The following ZDHHC12 variants were observed in gnomAD, a reference collection of about 807,000 sequenced individuals.
The protein encoded by ZDHHC12 is zDHHC palmitoyltransferase 12, also known as palmitoyltransferase ZDHHC12.
In ZDHHC12, 26 loss-of-function variants were observed where a neutral mutation model predicts 33.2. The ratio of observed to expected loss-of-function variants is 0.78; its 90% CI spans 0.57 to 1.09. The LOEUF is 1.09. Ranked by LOEUF, ZDHHC12 falls within the 50% of genes least tolerant of loss-of-function variation. The pLI is 0.00. For missense variants in ZDHHC12, 350 were observed against 353.0 expected (o/e 0.99, Z 0.07); for synonymous variants, 154 against 152.1 (o/e 1.01, Z -0.09).
chr9:128,721,776 G>A lies in ZDHHC12; in HGVS notation c.357C>T (p.Cys119=), dbSNP rs114361621. Residue 119 remains cysteine (C), a synonymous_variant, in exon 4 of 5, where the codon TGC becomes TGT. Coordinates refer to ENST00000372663, the MANE Select transcript of ZDHHC12 (RefSeq NM_032799.5). This position sits in a 1 kb window ranked among gnomAD's most constrained non-coding sequence, Gnocchi z 6.9. The part of the protein sequence containing the change: ...RARHCRECRR[C]VRRYDHHCPW... ...GGCAGTGGTGGTCGTAGCGGCGGAC[G>A]CAACGGCGGCACTCACGGCAGTGCC... 77 of 1,613,498 alleles carry A rather than the reference G, an allele frequency of 4.8e-5. No individual in the cohort carries two copies. In the African/African-American group the frequency reaches 8.9e-4, roughly 19 times the overall value.
rs543933645 is a variant in ZDHHC12 at position 128,722,602 on chromosome 9, C to A, written c.101-28G>T. ...GGAGAGGCCGGAGAGCACAGTGAGG[C>A]TGGGCCGGGTAGAACAGGAGTGGGT... On this transcript the variant is annotated intron_variant, in intron 1 of 4. Coordinates refer to ENST00000372663, the MANE Select transcript of ZDHHC12 (RefSeq NM_032799.5). The surrounding 1 kb of genome is among the most constrained non-coding windows in gnomAD (Gnocchi z 4.2). 23 of 1,585,064 alleles carry A rather than the reference C, an allele frequency of 1.5e-5. No homozygotes were observed. The African/African-American group carries it at 2.4e-4, about 17-fold the overall frequency.
Position 128,722,119 on chromosome 9 carries a change from C to G in ZDHHC12, c.238-33G>C. ...GAGGGGTGGGGTGTAAGACAGGGTC[C>G]CCTTGGGAGACAGATGGCATTGGCG... On this transcript the variant is annotated intron_variant, in intron 2 of 4. Coordinates refer to ENST00000372663, the MANE Select transcript of ZDHHC12 (RefSeq NM_032799.5). This position sits in a 1 kb window ranked among gnomAD's most constrained non-coding sequence, Gnocchi z 4.2. 5.0e-6 allele frequency: 8 copies of G among 1,613,202 alleles called. No individual in the cohort carries two copies. Among genetic ancestry groups the G allele is most frequent in the Non-Finnish European group, 6.8e-6 (8 of 1,179,428 alleles).
In ZDHHC12 at chr9:128,721,442, G is replaced by A. The variant is rs367664399; in HGVS notation, c.543C>T (p.Phe181=). The change falls in exon 5 of 5, where the codon TTC becomes TTT. Residue 181 remains phenylalanine, a synonymous_variant. Transcript: ENST00000372663. The surrounding 1 kb of genome is among the most constrained non-coding windows in gnomAD (Gnocchi z 6.9). Reference sequence around the variant, plus strand: ...AGAGGGACAGCAGCAGGAAGGTGGCGAACAGGAGCCCGCTGGACCGCAACC... The same window carrying A: ...AGAGGGACAGCAGCAGGAAGGTGGCAAACAGGAGCCCGCTGGACCGCAACC... The part of the protein sequence containing the change: ...GQWLRSSGLL[F]ATFLLLSLFS... 32 of 1,586,668 alleles carry A rather than the reference G, an allele frequency of 2.0e-5. 1 individual carries two copies. Among genetic ancestry groups the A allele is most frequent in the South Asian group, 3.4e-5 (3 of 87,798 alleles).
Position 128,724,125 on chromosome 9 carries a change from C to T in ZDHHC12, c.-32G>A, listed in dbSNP as rs772830391. The T allele has an allele frequency of 6.0e-6, 9 of 1,498,382 alleles. No individual in the cohort carries two copies. The highest frequency in any genetic ancestry group is 2.2e-5 in the Admixed American group (1 of 44,490). The allele number at this position is 1,498,382 out of a possible 1,614,324, so 92.8% of individuals were successfully genotyped here. ...GGCCCGGGGCCCCACCCGGAAGAAGCGCCCAGAGGGGCGGGCCCTCCGAGG... is the reference window on the plus strand; with the variant it reads ...GGCCCGGGGCCCCACCCGGAAGAAGTGCCCAGAGGGGCGGGCCCTCCGAGG... On this transcript the variant is annotated 5_prime_UTR_variant, in exon 1 of 5. Coordinates refer to ENST00000372663, the MANE Select transcript of ZDHHC12 (RefSeq NM_032799.5).
At position 128,721,987 on chromosome 9, in the gene ZDHHC12, C is replaced by T. The variant is rs1345083494; in HGVS notation, c.315+22G>A. 1.4e-5 allele frequency: 23 copies of T among 1,613,790 alleles called. No individual in the cohort carries two copies. Among genetic ancestry groups the T allele is most frequent in the South Asian group, 3.3e-5 (3 of 91,088 alleles). On this transcript the variant is annotated intron_variant, in intron 3 of 4. Coordinates refer to ENST00000372663, the MANE Select transcript of ZDHHC12 (RefSeq NM_032799.5). This position sits in a 1 kb window ranked among gnomAD's most constrained non-coding sequence, Gnocchi z 6.9. ...CTCAGCTTTGGCCCAACCTCTCCCACGGGTGTCCGTGCATCACTCACCAGC... is the reference window on the plus strand; with the variant it reads ...CTCAGCTTTGGCCCAACCTCTCCCATGGGTGTCCGTGCATCACTCACCAGC...
Position 128,724,085 on chromosome 9 carries a change from G to A in ZDHHC12, c.9C>T (p.Pro3=), listed in dbSNP as rs1862655372. MA[P]WALLSPGVLV... ...GGACCCCAGGGCTGAGGAGCGCCCA[G>A]GGCGCCATCGCCTCGGCCCGGGGCC... Residue 3 remains proline, a synonymous_variant, in exon 1 of 5, where the codon CCC becomes CCT. Transcript: ENST00000372663. The A allele has an allele frequency of 6.3e-7, 1 of 1,582,622 alleles. No individual in the cohort carries two copies. Among genetic ancestry groups the A allele is most frequent in the African/African-American group, 1.4e-5 (1 of 73,908 alleles).
rs746141336 is a variant in ZDHHC12 at position 128,721,281 on chromosome 9, A to G, written c.704T>C (p.Leu235Pro). ...GAAGAAGTGGGCCAGGTTGCGGGTC[A>G]GGCCTCGGTCGAAGGGGTTGCTGGG... ...QRPSNPFDRG[L>P]TRNLAHFFCG... Residue 235 changes from leucine to proline, a missense_variant, in exon 5 of 5, where the codon CTG becomes CCG. By Grantham distance (98) the Leu-to-Pro change is moderately conservative. Coordinates refer to ENST00000372663, the MANE Select transcript of ZDHHC12 (RefSeq NM_032799.5). This position sits in a 1 kb window ranked among gnomAD's most constrained non-coding sequence, Gnocchi z 6.9. 6.2e-7 allele frequency: 1 copy of G among 1,600,152 alleles called. No individual in the cohort carries two copies. The highest frequency in any genetic ancestry group is 8.5e-7 in the Non-Finnish European group (1 of 1,173,252).
chr9:128,722,779 G>A lies in ZDHHC12; in HGVS notation c.101-205C>T. 1 of 1,406,172 alleles carries A rather than the reference G, an allele frequency of 7.1e-7. No individual in the cohort carries two copies. The highest frequency in any genetic ancestry group is 9.3e-7 in the Non-Finnish European group (1 of 1,074,904). 87.1% of individuals were successfully genotyped at this position (1,406,172 alleles called of 1,614,324 possible). A position where few individuals can be genotyped will look rare whatever the true frequency, so the allele number is the denominator to read the frequency against. On this transcript the variant is annotated intron_variant, in intron 1 of 4. Coordinates refer to ENST00000372663, the MANE Select transcript of ZDHHC12 (RefSeq NM_032799.5). The surrounding 1 kb of genome is among the most constrained non-coding windows in gnomAD (Gnocchi z 4.2). ...GGAACCATGGAAGGTTATAGAGCCA[G>A]ATCTGTTTTGGAAAACCTCATTGCT...
rs777945225 is a variant in ZDHHC12 at position 128,724,100 on chromosome 9, G to A, written c.-7C>T. ...GGAGCGCCCAGGGCGCCATCGCCTCGGCCCGGGGCCCCACCCGGAAGAAGC... is the reference window on the plus strand; with the variant it reads ...GGAGCGCCCAGGGCGCCATCGCCTCAGCCCGGGGCCCCACCCGGAAGAAGC... On this transcript the variant is annotated 5_prime_UTR_variant, in exon 1 of 5. Coordinates refer to ENST00000372663, the MANE Select transcript of ZDHHC12 (RefSeq NM_032799.5). The A allele has an allele frequency of 3.2e-6, 5 of 1,547,590 alleles. No individual in the cohort carries two copies. The highest frequency in any genetic ancestry group is 1.2e-5 in the South Asian group (1 of 84,682).
chr9:128,722,040 G>T lies in ZDHHC12; in HGVS notation c.284C>A (p.Pro95His). ...EQTAMVPPAIPLRRCRYCLVL... is the reference protein window; with the variant it reads ...EQTAMVPPAIHLRRCRYCLVL... ...CAGGCAGTATCTGCAGCGCCGAAGA[G>T]GGATGGCTGGAGGAACCATGGCTGT... The change falls in exon 3 of 5, where the codon CCT becomes CAT. Residue 95 changes from proline to histidine, a missense_variant. Transcript: ENST00000372663. This position sits in a 1 kb window ranked among gnomAD's most constrained non-coding sequence, Gnocchi z 4.2. 1.2e-6 allele frequency: 2 copies of T among 1,614,046 alleles called. No individual in the cohort carries two copies. The highest frequency in any genetic ancestry group is 1.7e-6 in the Non-Finnish European group (2 of 1,179,996).
In ZDHHC12 at chr9:128,722,644, T is replaced by C. The variant is rs1291441249; in HGVS notation, c.101-70A>G. The C allele has an allele frequency of 2.6e-6, 4 of 1,548,388 alleles. No individual in the cohort carries two copies. On this transcript the variant is annotated intron_variant, in intron 1 of 4. Transcript: ENST00000372663. The surrounding 1 kb of genome is among the most constrained non-coding windows in gnomAD (Gnocchi z 4.2). The stretch of plus-strand genomic sequence containing the variant: ...GGAGTGGGTGGGGTTGGGGTGCAGT[T>C]GGAGGTGGGGAAGTGTGTTCCTGGC...
chr9:128,722,656 A>G lies in ZDHHC12; in HGVS notation c.101-82T>C, dbSNP rs774761915. On this transcript the variant is annotated intron_variant, in intron 1 of 4. Coordinates refer to ENST00000372663, the MANE Select transcript of ZDHHC12 (RefSeq NM_032799.5). The surrounding 1 kb of genome is among the most constrained non-coding windows in gnomAD (Gnocchi z 4.2). ...GTTGGGGTGCAGTTGGAGGTGGGGA[A>G]GTGTGTTCCTGGCTGAGCAAAGGCC... 5 of 1,538,448 alleles carry G rather than the reference A, an allele frequency of 3.3e-6. No individual in the cohort carries two copies. The highest frequency in any genetic ancestry group is 4.4e-6 in the Non-Finnish European group (5 of 1,139,284).
chr9:128,721,491 C>G lies in ZDHHC12; in HGVS notation c.494G>C (p.Arg165Pro). 1 of 1,598,270 alleles carries G rather than the reference C, an allele frequency of 6.3e-7. No homozygotes were observed. The highest frequency in any genetic ancestry group is 1.1e-5 in the South Asian group (1 of 89,644). ...CCACTGACCCCAGGGCTGGAAGAAC[C>G]GGAGGCCTGACCTGCGGTGCAGGGG... ...WGLYLAWSGL[R>P]FFQPWGQWLR... The change falls in exon 5 of 5, where the codon CGG becomes CCG. Residue 165 changes from arginine (R) to proline (P), a missense_variant. Transcript: ENST00000372663. The surrounding 1 kb of genome is among the most constrained non-coding windows in gnomAD (Gnocchi z 6.9).
Position 128,722,015 on chromosome 9 carries a change from C to T in ZDHHC12, c.309G>A (p.Leu103=). The T allele has an allele frequency of 6.2e-7, 1 of 1,614,024 alleles. No individual in the cohort carries two copies. Among genetic ancestry groups the T allele is most frequent in the Non-Finnish European group, 8.5e-7 (1 of 1,179,990 alleles). Residue 103 remains leucine (L), a synonymous_variant, in exon 3 of 5, where the codon CTG becomes CTA. Transcript: ENST00000372663. This position sits in a 1 kb window ranked among gnomAD's most constrained non-coding sequence, Gnocchi z 4.2. ...GTGTCCGTGCATCACTCACCAGCAC[C>T]AGGCAGTATCTGCAGCGCCGAAGAG... ...AIPLRRCRYC[L]VLQPLRARHC...
Position 128,723,776 on chromosome 9 carries a change from G to T in ZDHHC12, c.100+218C>A. The stretch of plus-strand genomic sequence containing the variant: ...TGGGATGGACAGGGCATTTGGCAAT[G>T]ATCAGGAAGATGCTGGGATTAATTA... On this transcript the variant is annotated intron_variant, in intron 1 of 4. Transcript: ENST00000372663. The surrounding 1 kb of genome is among the most constrained non-coding windows in gnomAD (Gnocchi z 4.4). 1.4e-6 allele frequency: 1 copy of T among 718,564 alleles called. No individual in the cohort carries two copies. Among genetic ancestry groups the T allele is most frequent in the South Asian group, 2.1e-5 (1 of 48,464 alleles). The allele number at this position is 718,564 out of a possible 1,614,324, so 44.5% of individuals were successfully genotyped here.
rs1291817347 is a variant in ZDHHC12 at position 128,722,084 on chromosome 9, C to T, written c.240G>A (p.Glu80=). Residue 80 remains glutamate (E), a splice_region_variant and synonymous_variant, in exon 3 of 5, where the codon GAG becomes GAA. Coordinates refer to ENST00000372663, the MANE Select transcript of ZDHHC12 (RefSeq NM_032799.5). The surrounding 1 kb of genome is among the most constrained non-coding windows in gnomAD (Gnocchi z 4.2). ...GYVNVQPQPQ[E]ELKEEQTAMV... ...TGGCTGTCTGCTCCTCTTTGAGCTCCTCCTGGAATGAGGGGTGGGGTGTAA... is the reference window on the plus strand; with the variant it reads ...TGGCTGTCTGCTCCTCTTTGAGCTCTTCCTGGAATGAGGGGTGGGGTGTAA... 3 of 1,613,884 alleles carry T rather than the reference C, an allele frequency of 1.9e-6. No individual in the cohort carries two copies. Among genetic ancestry groups the T allele is most frequent in the African/African-American group, 2.7e-5 (2 of 74,896 alleles).
At position 128,721,527 on chromosome 9, in the gene ZDHHC12, G is replaced by T; in HGVS notation, c.483-25C>A. ...CCTGCGGTGCAGGGGACAGGGGCCT[G>T]GTGCTGGGGGAGGGCAGGGGAGCCC... is the stretch of plus-strand genomic sequence containing the variant. On this transcript the variant is annotated intron_variant, in intron 4 of 4. Transcript: ENST00000372663. The surrounding 1 kb of genome is among the most constrained non-coding windows in gnomAD (Gnocchi z 6.9). 1.3e-6 allele frequency: 2 copies of T among 1,595,480 alleles called. No individual in the cohort carries two copies. The highest frequency in any genetic ancestry group is 8.5e-7 in the Non-Finnish European group (1 of 1,169,652).
Position 128,722,508 on chromosome 9 carries a change from C to A in ZDHHC12, c.167G>T (p.Gly56Val). 14 of 1,581,848 alleles carry A rather than the reference C, an allele frequency of 8.9e-6. No individual in the cohort carries two copies. Among genetic ancestry groups the A allele is most frequent in the Non-Finnish European group, 1.2e-5 (14 of 1,163,636 alleles). ...LPLTFLLLVL[G>V]SLLLYLAVSL... ...CACAGCGAGGTAGAGCAGCAGGGAG[C>A]CCAGCACCAGGAGCAGGAAGGTGAG... The change falls in exon 2 of 5, where the codon GGC (glycine) becomes GTC (valine). Residue 56 changes from glycine (G) to valine (V), a missense_variant. Gly to Val is a moderately radical substitution (Grantham distance 109, BLOSUM62 -3). Transcript: ENST00000372663. This position sits in a 1 kb window ranked among gnomAD's most constrained non-coding sequence, Gnocchi z 4.2.
Position 128,723,941 on chromosome 9 carries a change from TG to T in ZDHHC12, c.100+52del. The T allele has an allele frequency of 6.3e-7, 1 of 1,582,798 alleles. No individual in the cohort carries two copies. The highest frequency in any genetic ancestry group is 8.6e-7 in the Non-Finnish European group (1 of 1,164,204). ...GGAGACCCAGTGTGACCAGAACGTC[TG>T]GGGAAGTACGCGGGATCGGGTGGGT... On this transcript the variant is annotated intron_variant, in intron 1 of 4. Transcript: ENST00000372663. The surrounding 1 kb of genome is among the most constrained non-coding windows in gnomAD (Gnocchi z 4.4).
Sources: gnomAD v4.1 joint callset for allele counts on GRCh38, gnomAD v4.1.1 for gene constraint, Gnocchi (gnomAD v3.1) non-coding constraint, MANE v1.5 for transcripts, NCBI Gene and HGNC (gene_info 2026-07-23, HGNC 2026-07-21) for gene names.